The following KIAA0930 variants were observed in gnomAD, a reference collection of about 807,000 sequenced individuals.
KIAA0930 encodes KIAA0930.
KIAA0930 carries 24 observed loss-of-function variants against 43.9 expected under a neutral mutation model. That is an observed-to-expected ratio of 0.55 (90% CI 0.40 to 0.77). The LOEUF is 0.77. Ranked by LOEUF, KIAA0930 falls within the 30% of genes least tolerant of loss-of-function variation. The pLI is 0.00. For missense variants in KIAA0930, 461 were observed against 574.2 expected, an observed-to-expected ratio of 0.80 and a Z score of 2.02; for synonymous variants, 259 against 216.4, an observed-to-expected ratio of 1.20 and a Z score of -1.73.
In KIAA0930 at chr22:45,226,665, C is replaced by G. The variant is rs148034916; in HGVS notation, c.64+13975G>C. 5.5e-3 allele frequency: 1,196 copies of G among 216,576 alleles called. 7 individuals are homozygous for G. Among genetic ancestry groups the G allele is most frequent in the African/African-American group, 0.026 (1,131 of 44,256 alleles). The allele number at this position is 216,576 out of a possible 1,614,324, so 13.4% of individuals were successfully genotyped here. A position where few individuals can be genotyped will look rare whatever the true frequency, so the allele number is the denominator to read the frequency against. ...GAGATCATCCTCACAGGGGCCTTAT[C>G]CAAGATCCTAACTCACTGCTCTGCT... On this transcript the variant is annotated intron_variant, in intron 1 of 9. Coordinates refer to ENST00000336156, the MANE Select transcript of KIAA0930 (RefSeq NM_001009880.2).
At chr22:45,233,190 G>A (rs1462075748) in intron 1 of KIAA0930, among the ~76,000 whole-genome samples, 1 of 152,080 alleles carries the variant, frequency 6.6e-6, no homozygotes, top group Non-Finnish European at 1.5e-5. Flanking sequence ...GGGAACGAAT[G>A]AATTACACCA....
intron 1 of KIAA0930, 134 bp downstream of exon 1, chr22:45,240,506 C>A: frequency 3.6e-6 from 2 of 560,494 alleles, no homozygotes; most frequent in Admixed American, 3.0e-5. Context: ...GACAGGGTAC[C>A]CAGGCAGACC....
intron 1 of KIAA0930, among the ~76,000 whole-genome samples, chr22:45,228,773 ATCC>A (rs1405823427): frequency 4.2e-5 from 1 of 23,638 alleles, no homozygotes; most frequent in Non-Finnish European, 7.6e-5. Context: ...ATCCCTCCCC[ATCC>A]CCCCCAACCA....
intron 1 of KIAA0930, chr22:45,212,482 G>A: frequency 7.0e-7 from 1 of 1,438,030 alleles, no homozygotes. Context: ...CTTGGCTGGG[G>A]GGGAGCCTTT....
At chr22:45,234,450 C>T (rs910577878) in intron 1 of KIAA0930, among the ~76,000 whole-genome samples, 41 of 152,222 alleles carry the variant, frequency 2.7e-4, no homozygotes, top group African/African-American at 9.6e-4. Context: ...CCCTGCATGC[C>T]CTCAGCAGGG....
chr22:45,205,237 TGAA>T lies in KIAA0930; in HGVS notation c.493_495del (p.Phe165del), dbSNP rs2083625757. On this transcript the variant is annotated inframe_deletion, in exon 5 of 10. Transcript: ENST00000336156. ...CTCACCTCCTCGAAGCTGTCAATCA[TGAA>T]GAAGATGTTGGGGTAGCTGATCTTG... 3.7e-6 allele frequency: 6 copies of T among 1,613,862 alleles called. No homozygotes were observed. Among genetic ancestry groups the T allele is most frequent in the African/African-American group, 1.3e-5 (1 of 74,912 alleles).
chr22:45,237,795 G>A (rs944252797), intron 1 of KIAA0930, among the ~76,000 whole-genome samples: 2 of 152,180 alleles, frequency 1.3e-5, no homozygotes, highest in Non-Finnish European at 2.9e-5. Flanking sequence ...GAAGTGCTCC[G>A]GGGCTGGTGT....
intron 7 of KIAA0930, chr22:45,202,510 G>A (rs1395151595): frequency 6.5e-6 from 1 of 153,778 alleles, no homozygotes; most frequent in Non-Finnish European, 1.4e-5. Flanking sequence ...GGTGGCCTAG[G>A]CCTCTGCATG....
chr22:45,209,485 T>C (rs2083673201), intron 2 of KIAA0930, among the ~76,000 whole-genome samples: 1 of 152,180 alleles, frequency 6.6e-6, no homozygotes. Context: ...AGGTCCCATG[T>C]GGCACTCGTC....
At chr22:45,217,793 T>C (rs1206515586) in intron 1 of KIAA0930, among the ~76,000 whole-genome samples, 2 of 152,182 alleles carry the variant, frequency 1.3e-5, no homozygotes, top group African/African-American at 4.8e-5. Context: ...ATAATGACAA[T>C]GGCCTGGACC....
chr22:45,219,582 GTTTTTTTTTTTTTTTT>G (rs535482000), intron 1 of KIAA0930, among the ~76,000 whole-genome samples: 1 of 61,212 alleles, frequency 1.6e-5, no homozygotes, highest in Non-Finnish European at 3.1e-5. Context: ...AGAGGTGATT[GTTTTTTTTTTTTTTTT>G]TTTTTTTTTT....
intron 1 of KIAA0930, among the ~76,000 whole-genome samples, chr22:45,223,035 C>T (rs1329770532): frequency 6.6e-6 from 1 of 152,238 alleles, no homozygotes; most frequent in Non-Finnish European, 1.5e-5. Context: ...CATTTTACCT[C>T]TGACCCAGCG....
intron 2 of KIAA0930, among the ~76,000 whole-genome samples, chr22:45,206,730 A>C (rs2083641642): frequency 6.7e-6 from 1 of 148,604 alleles, no homozygotes. Flanking sequence ...ACAGAATCTC[A>C]CTCCATCCGT....
At position 45,205,262 on chromosome 22, in the gene KIAA0930, C is replaced by T. The variant is rs758220668; in HGVS notation, c.471G>A (p.Lys157=). ...TGAAGAAGATGTTGGGGTAGCTGAT[C>T]TTGGACTCCTCCCCCTTGCTGTCCA... ...HPMDSKGEES[K]ISYPNIFFMI... is the part of the protein sequence containing the mutation. The change falls in exon 5 of 10, where the codon AAG becomes AAA. Residue 157 remains lysine, a synonymous_variant. Coordinates refer to ENST00000336156, the MANE Select transcript of KIAA0930 (RefSeq NM_001009880.2). 1 of 1,614,096 alleles carries T rather than the reference C, an allele frequency of 6.2e-7. No homozygotes were observed. Among genetic ancestry groups the T allele is most frequent in the African/African-American group, 1.3e-5 (1 of 74,928 alleles).
chr22:45,210,450 C>G (rs1243655848), intron 2 of KIAA0930, among the ~76,000 whole-genome samples: 6 of 152,280 alleles, frequency 3.9e-5, no homozygotes, highest in East Asian at 1.9e-4. Flanking sequence ...GCCAAGGGCA[C>G]TCATATGGTC....
At chr22:45,214,990 G>A (rs113277584) in intron 1 of KIAA0930, among the ~76,000 whole-genome samples, 1 of 152,038 alleles carries the variant, frequency 6.6e-6, no homozygotes, top group Non-Finnish European at 1.5e-5. Flanking sequence ...GGCTGTGGCC[G>A]GCAGATCACT....
At chr22:45,200,736 T>C (rs2083580467) in intron 7 of KIAA0930, among the ~76,000 whole-genome samples, 1 of 152,230 alleles carries the variant, frequency 6.6e-6, no homozygotes, top group Non-Finnish European at 1.5e-5. Flanking sequence ...GACAGGCACA[T>C]TGCAGGTCCC....
At chr22:45,218,131 C>T (rs143268912) in intron 1 of KIAA0930, among the ~76,000 whole-genome samples, 5 of 152,202 alleles carry the variant, frequency 3.3e-5, no homozygotes, top group Admixed American at 6.6e-5. Flanking sequence ...ACAGCTCGCG[C>T]GTGCCCTGCA....
chr22:45,216,991 G>C (rs763773078), intron 1 of KIAA0930, among the ~76,000 whole-genome samples: 1 of 152,190 alleles, frequency 6.6e-6, no homozygotes, highest in Non-Finnish European at 1.5e-5. Flanking sequence ...GCAAATACAA[G>C]GTTAGGGTCC....
Sources: allele counts gnomAD v4.1 joint callset (sites outside exome capture counted in the v4.1 genomes callset), GRCh38; gene constraint gnomAD v4.1.1; transcripts MANE v1.5; gene names NCBI Gene and HGNC (gene_info 2026-07-23, HGNC 2026-07-21).